The following PCDH11X variants were observed in gnomAD, a reference collection of about 807,000 sequenced individuals.
PCDH11X encodes the protein protocadherin 11 X-linked.
Under a neutral mutation model 53.3 loss-of-function variants are expected in PCDH11X, and 18 were observed. The ratio of observed to expected loss-of-function variants is 0.34; its 90% CI spans 0.23 to 0.50. The LOEUF is 0.50. Among genes scored for constraint, PCDH11X ranks in the 20% least tolerant of loss-of-function variants. The pLI is 0.98. For synonymous variants in PCDH11X, 279 were observed against 393.3 expected (o/e 0.71, Z 3.44); for missense variants, 570 against 1,032.4 (o/e 0.55, Z 6.14).
intron 6 of PCDH11X, among the ~76,000 whole-genome samples, chrX:91,970,870 A>G (rs748095578): frequency 3.6e-5 from 4 of 112,031 alleles, no homozygotes; most frequent in African/African-American, 9.7e-5. Flanking sequence ...GCTGGACCTC[A>G]TAAGCTTTCA....
chrX:92,115,181 T>G (rs1341065773), intron 6 of PCDH11X, among the ~76,000 whole-genome samples: 1 of 110,707 alleles, frequency 9.0e-6, no homozygotes, highest in Non-Finnish European at 1.9e-5. Context: ...GACCTCTCTA[T>G]CCATTGATCT....
intron 6 of PCDH11X, among the ~76,000 whole-genome samples, chrX:91,976,275 C>T (rs2062045414): frequency 9.0e-6 from 1 of 111,411 alleles, no homozygotes; most frequent in Admixed American, 9.6e-5. Flanking sequence ...AATTTGTGAC[C>T]CCTGGTTATT....
intron 10 of PCDH11X, among the ~76,000 whole-genome samples, chrX:92,595,896 T>C (rs1337395098): frequency 4.3e-5 from 4 of 92,957 alleles, no homozygotes; most frequent in Admixed American, 1.2e-4. Flanking sequence ...GTACCCAACA[T>C]TAACCTTTGT....
At chrX:91,976,883 C>G in intron 6 of PCDH11X, among the ~76,000 whole-genome samples, 2 of 111,999 alleles carry the variant, frequency 1.8e-5, no homozygotes, top group South Asian at 7.3e-4. Context: ...CATATTACCT[C>G]TGTAATTATT....
intron 10 of PCDH11X, among the ~76,000 whole-genome samples, chrX:92,477,618 T>C (rs2073415418): frequency 2.1e-5 from 1 of 47,850 alleles, no homozygotes; most frequent in Non-Finnish European, 3.7e-5. Flanking sequence ...GGACTTAAGG[T>C]CCAAGACAAA....
intron 8 of PCDH11X, among the ~76,000 whole-genome samples, chrX:92,366,273 C>T (rs1420247286): frequency 2.7e-5 from 3 of 111,203 alleles, no homozygotes; most frequent in Non-Finnish European, 5.7e-5. Flanking sequence ...TTTATTTGCA[C>T]AGACATGTTT....
chrX:92,480,694 G>GCT (rs2073484596), intron 10 of PCDH11X, among the ~76,000 whole-genome samples: 1 of 110,476 alleles, frequency 9.1e-6, no homozygotes, highest in Non-Finnish European at 1.9e-5. Context: ...TTGTTCTCTG[G>GCT]CTCCTCAAAG....
chrX:92,227,343 G>A (rs1386820788), intron 7 of PCDH11X, among the ~76,000 whole-genome samples: 5 of 109,795 alleles, frequency 4.6e-5, no homozygotes, highest in Admixed American at 2.0e-4. Context: ...TAAACTTAAC[G>A]CAAATTTCAG....
At chrX:92,235,841 G>C (rs2067161037) in intron 7 of PCDH11X, among the ~76,000 whole-genome samples, 1 of 110,509 alleles carries the variant, frequency 9.0e-6, no homozygotes, top group Non-Finnish European at 1.9e-5. Context: ...AGAGTGGACT[G>C]TCATCCTTCA....
rs1231648753 is a variant in PCDH11X at position 92,365,662 on chromosome X, A to C, written c.3145-22073A>C. Among the ~76,000 whole-genome samples the C allele has an allele frequency of 1.6e-3, 175 of 112,187 alleles. 1 individual carries two copies. The highest frequency in any genetic ancestry group is 2.1e-3 in the Non-Finnish European group (113 of 53,284). On this transcript the variant is annotated intron_variant, in intron 8 of 10. Transcript: ENST00000682573. ...TATTATTTTGAGATATGTTCAATCA[A>C]TACCTAGTTTATTAAGAGTTTTTAG...
chrX:92,286,109 G>A (rs182408715), intron 8 of PCDH11X, among the ~76,000 whole-genome samples: 3,126 of 110,253 alleles, frequency 0.028, 141 homozygotes, highest in East Asian at 0.23. Flanking sequence ...TGGCCATCAC[G>A]AATATGTCAC....
chrX:91,826,996 G>T (rs1445821208), intron 4 of PCDH11X, among the ~76,000 whole-genome samples: 2 of 111,078 alleles, frequency 1.8e-5, no homozygotes, highest in Non-Finnish European at 3.8e-5. Context: ...GGGATTACTG[G>T]TCAAATGGTA....
In PCDH11X at chrX:92,518,640, T is replaced by C. The variant is rs924935105; in HGVS notation, c.3367+50318T>C. 3.6e-5 allele frequency among the ~76,000 whole-genome samples: 4 copies of C among 111,168 alleles called. No individual in the cohort carries two copies. In the Admixed American group the frequency reaches 3.8e-4, roughly 11 times the overall value. ...AATAATCAGGGCCTTCAGGATTATA[T>C]CCTAGCTTGGCCTGTTTAAGACCTT... On this transcript the variant is annotated intron_variant, in intron 10 of 10. Coordinates refer to ENST00000682573, the MANE Select transcript of PCDH11X (RefSeq NM_032968.5).
At chrX:92,361,548 G>A (rs749616660) in intron 8 of PCDH11X, among the ~76,000 whole-genome samples, 55 of 111,270 alleles carry the variant, frequency 4.9e-4, no homozygotes, top group African/African-American at 1.8e-3. Context: ...ATAGCTTTTT[G>A]AAAATCCCTG....
chrX:91,969,985 C>T (rs949126673), intron 6 of PCDH11X, among the ~76,000 whole-genome samples: 3 of 109,609 alleles, frequency 2.7e-5, no homozygotes, highest in African/African-American at 6.6e-5. Flanking sequence ...ATAATGTGTC[C>T]GGAATTGGTT....
At chrX:92,023,467 G>C (rs747069896) in intron 6 of PCDH11X, among the ~76,000 whole-genome samples, 1 of 110,466 alleles carries the variant, frequency 9.1e-6, no homozygotes, top group African/African-American at 3.3e-5. Flanking sequence ...AAACCAGGAA[G>C]AAGTAGAATC....
intron 6 of PCDH11X, among the ~76,000 whole-genome samples, chrX:92,085,602 A>C (rs1193398929): frequency 9.5e-6 from 1 of 105,305 alleles, no homozygotes; most frequent in African/African-American, 3.7e-5. Flanking sequence ...CCCCACCCTC[A>C]TATTATAGAA....
At position 92,138,782 on chromosome X, in the gene PCDH11X, A is replaced by G. The variant is rs1333076136; in HGVS notation, c.3034-62593A>G. 4.5e-5 allele frequency among the ~76,000 whole-genome samples: 5 copies of G among 110,964 alleles called. No individual in the cohort carries two copies. The Admixed American group carries it at 4.9e-4, about 11-fold the overall frequency. ...CAAATATTTAGTTTCATATTATTCT[A>G]CTGAATTAGTGTCTTTTATCAGTTT... is the stretch of plus-strand genomic sequence containing the variant. On this transcript the variant is annotated intron_variant, in intron 6 of 10. Transcript: ENST00000682573.
chrX:92,015,651 A>C (rs75566658), intron 6 of PCDH11X, among the ~76,000 whole-genome samples: 20,509 of 111,326 alleles, frequency 0.18, 1,881 homozygotes, highest in East Asian at 0.45. Flanking sequence ...ATGATATTGC[A>C]ACAATTCAGT....
Sources: allele counts gnomAD v4.1 joint callset (sites outside exome capture counted in the v4.1 genomes callset), GRCh38; gene constraint gnomAD v4.1.1; transcripts MANE v1.5; gene names NCBI Gene and HGNC (gene_info 2026-07-23, HGNC 2026-07-21).